Variants in AGO4 observed in about 807,000 individuals in gnomAD.
The protein encoded by AGO4 is argonaute RISC component 4.
A neutral mutation model predicts 104.7 loss-of-function variants in AGO4; 33 were observed. The observed-to-expected ratio is 0.32, with a 90% CI of 0.24 to 0.42. The LOEUF is 0.42. AGO4 is among the 10% of genes least tolerant of loss of function. AGO4 has a pLI of 1.00. For synonymous variants in AGO4, 331 were observed against 364.7 expected (o/e 0.91, Z 1.05); for missense variants, 711 against 1,083.4 (o/e 0.66, Z 4.83).
chr1:35,819,269 G>A (rs938969823), intron 2 of AGO4, among the ~76,000 whole-genome samples: 2 of 152,074 alleles, frequency 1.3e-5, no homozygotes, highest in Non-Finnish European at 1.5e-5. Flanking sequence ...AGACCTGTGC[G>A]TTTTGGACAT....
At chr1:35,830,894 C>G (rs1644165858) in intron 7 of AGO4, among the ~76,000 whole-genome samples, 2 of 151,540 alleles carry the variant, frequency 1.3e-5, no homozygotes, top group African/African-American at 4.9e-5. Context: ...ACCGCTTGAA[C>G]CCGGGAGATG....
At chr1:35,837,526 C>T (rs1185359708) in intron 13 of AGO4, among the ~76,000 whole-genome samples, 2 of 151,908 alleles carry the variant, frequency 1.3e-5, no homozygotes, top group Non-Finnish European at 2.9e-5. Context: ...ACTACAGGCT[C>T]ATACCACCAT....
In AGO4 at chr1:35,841,831, TATATATAC is replaced by T. The variant is rs937665995; in HGVS notation, c.2175+83_2175+90del. The T allele has an allele frequency of 3.0e-5, 25 of 835,274 alleles. No individual in the cohort carries two copies. The highest frequency in any genetic ancestry group is 4.4e-5 in the Admixed American group (1 of 22,504). The allele number at this position is 835,274 out of a possible 1,614,324, so 51.7% of individuals were successfully genotyped here. On this transcript the variant is annotated intron_variant, in intron 15 of 17. Coordinates refer to ENST00000373210, the MANE Select transcript of AGO4 (RefSeq NM_017629.4). The surrounding 1 kb of genome is among the most constrained non-coding windows in gnomAD (Gnocchi z 4.7). ...ATGCACATATATATATATATATATA[TATATATAC>T]ACCATTTTTATACAATTTTTTTCTT...
intron 1 of AGO4, among the ~76,000 whole-genome samples, chr1:35,810,744 C>T (rs947870325): frequency 3.3e-5 from 5 of 152,120 alleles, no homozygotes; most frequent in African/African-American, 7.2e-5. Flanking sequence ...TAATCATCTC[C>T]TCTTCATTAA....
At position 35,822,950 on chromosome 1, in the gene AGO4, A is replaced by C. The variant is rs1323133886; in HGVS notation, c.274A>C (p.Thr92Pro). Residue 92 changes from threonine to proline, a missense_variant, in exon 3 of 18, where the codon ACA becomes CCA. Coordinates refer to ENST00000373210, the MANE Select transcript of AGO4 (RefSeq NM_017629.4). Reference protein sequence around the residue: ...PGYDGKRNMYTAHPLPIGRDR... With the variant: ...PGYDGKRNMYPAHPLPIGRDR... ...GTATGATGGCAAAAGAAACATGTAC[A>C]CAGCACATCCACTACCAATTGGACG... 6.2e-7 allele frequency: 1 copy of C among 1,613,992 alleles called. No homozygotes were observed. Among genetic ancestry groups the C allele is most frequent in the African/African-American group, 1.3e-5 (1 of 74,926 alleles).
intron 8 of AGO4, 88 bp from the exon 9 acceptor site, chr1:35,831,724 T>A: frequency 6.4e-7 from 1 of 1,556,976 alleles, no homozygotes; most frequent in Non-Finnish European, 8.6e-7. Flanking sequence ...TTAATTTTTC[T>A]GGAAATAGAG....
intron 17 of AGO4, 95 bp downstream of exon 17, chr1:35,851,148 T>C: frequency 8.1e-7 from 1 of 1,239,124 alleles, no homozygotes; most frequent in Non-Finnish European, 1.1e-6. Flanking sequence ...GATTTAAACT[T>C]TCAGAGTTTA....
chr1:35,825,079 T>A (rs776457745), intron 3 of AGO4, among the ~76,000 whole-genome samples: 1 of 152,204 alleles, frequency 6.6e-6, no homozygotes, highest in African/African-American at 2.4e-5. Flanking sequence ...TTTAGCATAA[T>A]GTTTTCAAGC....
intron 3 of AGO4, among the ~76,000 whole-genome samples, chr1:35,823,302 G>A (rs2148659024): frequency 6.6e-6 from 1 of 151,296 alleles, no homozygotes; most frequent in African/African-American, 2.4e-5. Flanking sequence ...ACCCAGGCTG[G>A]AATGCAGTGG....
chr1:35,825,243 C>T, intron 3 of AGO4, 70 bp from the exon 4 acceptor site: 1 of 1,496,174 alleles, frequency 6.7e-7, no homozygotes, highest in Non-Finnish European at 9.2e-7. Flanking sequence ...TATCATACTG[C>T]ATATTCTTGG....
chr1:35,841,242 C>CTTCCA lies in AGO4; in HGVS notation c.1805_1809dup (p.Ala604ProfsTer43), dbSNP rs780968740. ...CCCCCAGCAGGGGATGGGAAGAAAC[C>CTTCCA]TTCCATTGCTGCTGTGGTTGGCAGT... is the stretch of plus-strand genomic sequence containing the variant. On this transcript the variant is annotated frameshift_variant, in exon 14 of 18. Transcript: ENST00000373210. LOFTEE classifies it high-confidence loss of function. The surrounding 1 kb of genome is among the most constrained non-coding windows in gnomAD (Gnocchi z 4.7). 1 of 1,614,146 alleles carries CTTCCA rather than the reference C, an allele frequency of 6.2e-7. No individual in the cohort carries two copies. Among genetic ancestry groups the CTTCCA allele is most frequent in the Non-Finnish European group, 8.5e-7 (1 of 1,180,024 alleles).
chr1:35,820,937 T>C lies in AGO4; in HGVS notation c.186-1925T>C, dbSNP rs72902941. Among the ~76,000 whole-genome samples the C allele has an allele frequency of 1.8e-3, 276 of 152,288 alleles. 2 individuals are homozygous for C. Among genetic ancestry groups the C allele is most frequent in the African/African-American group, 6.2e-3 (259 of 41,556 alleles). ...TCAAGGGAAGTATTATTATTATTAT[T>C]ATCATAACTTTACATATGAAGAAAC... On this transcript the variant is annotated intron_variant, in intron 2 of 17. Transcript: ENST00000373210.
intron 1 of AGO4, among the ~76,000 whole-genome samples, chr1:35,815,664 T>C (rs2764469): frequency 0.98 from 149,723 of 152,264 alleles, 73,662 homozygotes; most frequent in East Asian, 1. Context: ...TCTATCTACA[T>C]CAGGGTTTCT....
chr1:35,829,427 A>C (rs981307533), intron 7 of AGO4, among the ~76,000 whole-genome samples: 1 of 152,224 alleles, frequency 6.6e-6, no homozygotes, highest in Non-Finnish European at 1.5e-5. Flanking sequence ...TGTTAGAATA[A>C]TTAGACTTAT....
At chr1:35,829,101 A>G (rs1394182961) in intron 7 of AGO4, among the ~76,000 whole-genome samples, 1 of 151,080 alleles carries the variant, frequency 6.6e-6, no homozygotes, top group Admixed American at 6.6e-5. Flanking sequence ...TTAATTTTCA[A>G]ACTTTAGTGC....
intron 7 of AGO4, among the ~76,000 whole-genome samples, chr1:35,829,840 T>TA (rs752406279): frequency 0.61 from 37,737 of 62,118 alleles, 15,070 homozygotes; most frequent in Non-Finnish European, 0.82. Context: ...GACTACATCT[T>TA]AAAAAAAAAA....
intron 2 of AGO4, among the ~76,000 whole-genome samples, chr1:35,820,148 C>T (rs1414649679): frequency 2.0e-5 from 3 of 151,998 alleles, no homozygotes; most frequent in Non-Finnish European, 4.4e-5. Context: ...ATCTAATGTT[C>T]AAGGAGCATT....
At position 35,831,846 on chromosome 1, in the gene AGO4, A is replaced by G. The variant is rs1318605019; in HGVS notation, c.1031A>G (p.Lys344Arg). The G allele has an allele frequency of 1.2e-5, 20 of 1,614,032 alleles. No homozygotes were observed. The East Asian group carries it at 3.6e-4, about 29-fold the overall frequency. Residue 344 changes from lysine to arginine, a missense_variant, in exon 9 of 18, where the codon AAG (lysine) becomes AGG (arginine). By Grantham distance (26) the Lys-to-Arg change is conservative. This residue lies in a region of AGO4 where 401 missense variants were observed against 665.5 expected (regional missense o/e 0.60). Transcript: ENST00000373210. Reference protein sequence around the residue: ...CNIVAGQRCIKKLTDNQTSTM... With the variant: ...CNIVAGQRCIRKLTDNQTSTM... ...ATAGTGGCAGGACAGCGATGTATCA[A>G]GAAGCTCACAGACAATCAGACTTCC...
chr1:35,849,518 C>CA (rs754902083), intron 15 of AGO4, among the ~76,000 whole-genome samples: 7,189 of 59,284 alleles, frequency 0.12, 310 homozygotes, highest in Middle Eastern at 0.21. Context: ...CCCCGTGTCT[C>CA]AAAAAAAAAA....
Sources: gnomAD v4.1 joint callset for allele counts (sites outside exome capture counted in the v4.1 genomes callset) on GRCh38, gnomAD v4.1.1 for gene constraint, gnomAD v4.1.1 regional missense constraint, Gnocchi (gnomAD v3.1) non-coding constraint, MANE v1.5 for transcripts, NCBI Gene and HGNC (gene_info 2026-07-23, HGNC 2026-07-21) for gene names.